Variants in ADAMTS14 observed in about 807,000 individuals in gnomAD.
ADAMTS14 encodes the protein A disintegrin and metalloproteinase with thrombospondin motifs 14.
A neutral mutation model predicts 128.6 loss-of-function variants in ADAMTS14; 100 were observed. The ratio of observed to expected loss-of-function variants is 0.78; its 90% confidence interval spans 0.66 to 0.92. ADAMTS14 has a LOEUF of 0.92. ADAMTS14 is among the 40% of genes least tolerant of loss of function. ADAMTS14 has a pLI of 0.00. For synonymous variants in ADAMTS14, 665 were observed against 653.8 expected (o/e 1.02, Z -0.26); for missense variants, 1,562 against 1,658.6 (o/e 0.94, Z 1.01).
intron 19 of ADAMTS14, among the ~76,000 whole-genome samples, chr10:70,755,016 C>T (rs1842446785): frequency 6.6e-6 from 1 of 152,188 alleles, no homozygotes; most frequent in African/African-American, 2.4e-5. Context: ...TGCAGTGGCT[C>T]ATGCCTGGAA....
intron 19 of ADAMTS14, 140 bp downstream of exon 19, chr10:70,754,147 G>T: frequency 6.5e-6 from 5 of 767,086 alleles, no homozygotes; most frequent in Middle Eastern, 3.8e-4. Context: ...AAGTAGAATA[G>T]CTCCTACGTA....
intron 8 of ADAMTS14, among the ~76,000 whole-genome samples, chr10:70,734,502 C>T (rs970469501): frequency 1.3e-5 from 2 of 152,174 alleles, no homozygotes; most frequent in African/African-American, 4.8e-5. Context: ...GCCACTGTGG[C>T]TTTCCCCCAG....
chr10:70,732,184 C>G, intron 6 of ADAMTS14, 70 bp from the exon 7 acceptor site: 1 of 1,356,196 alleles, frequency 7.4e-7, no homozygotes, highest in Non-Finnish European at 1.0e-6. Flanking sequence ...GGGCTGGGCA[C>G]AGACCTCAGT....
intron 2 of ADAMTS14, among the ~76,000 whole-genome samples, chr10:70,685,263 A>G (rs1314949183): frequency 6.6e-6 from 1 of 152,148 alleles, no homozygotes; most frequent in Non-Finnish European, 1.5e-5. Context: ...TTCCCAAACC[A>G]TCCACCAGGC....
At chr10:70,677,023 G>A (rs1274822706) in intron 2 of ADAMTS14, among the ~76,000 whole-genome samples, 1 of 152,142 alleles carries the variant, frequency 6.6e-6, no homozygotes, top group East Asian at 1.9e-4. Flanking sequence ...GAGGATGACC[G>A]TCGCTAATAA....
At chr10:70,749,766 C>T (rs1842294120) in intron 15 of ADAMTS14, 56 bp from the exon 16 acceptor site, 3 of 1,580,136 alleles carry the variant, frequency 1.9e-6, no homozygotes, top group Non-Finnish European at 1.7e-6. Flanking sequence ...TATTCATGGC[C>T]CGCCCCCTGT....
At chr10:70,687,383 G>C (rs1840008235) in intron 2 of ADAMTS14, among the ~76,000 whole-genome samples, 1 of 60,338 alleles carries the variant, frequency 1.7e-5, no homozygotes, top group African/African-American at 5.4e-5. Context: ...CGGGCAGAGG[G>C]GCTCCTCACT....
intron 2 of ADAMTS14, among the ~76,000 whole-genome samples, chr10:70,675,536 G>A (rs1294835933): frequency 6.6e-6 from 1 of 152,144 alleles, no homozygotes; most frequent in African/African-American, 2.4e-5. Context: ...ATTATGTCTT[G>A]TAACATTGCG....
chr10:70,746,595 C>T (rs1245413110), intron 15 of ADAMTS14, among the ~76,000 whole-genome samples: 1 of 152,168 alleles, frequency 6.6e-6, no homozygotes, highest in African/African-American at 2.4e-5. Context: ...ATCGCTTGAG[C>T]TCAGAAGTTT....
intron 2 of ADAMTS14, among the ~76,000 whole-genome samples, chr10:70,687,134 C>T (rs1839991977): frequency 2.8e-5 from 3 of 106,286 alleles, no homozygotes; most frequent in Admixed American, 8.7e-5. Flanking sequence ...TAGGGGCGGC[C>T]GGGCAGAGGC....
At chr10:70,735,461 T>C (rs969243976) in intron 9 of ADAMTS14, among the ~76,000 whole-genome samples, 160 bp downstream of exon 9, 9 of 152,120 alleles carry the variant, frequency 5.9e-5, no homozygotes, top group Admixed American at 1.3e-4. Flanking sequence ...GGATGCAGAG[T>C]GAACACCTGT....
chr10:70,709,820 G>A (rs756405988), intron 4 of ADAMTS14, among the ~76,000 whole-genome samples: 4 of 152,162 alleles, frequency 2.6e-5, no homozygotes, highest in African/African-American at 9.7e-5. Context: ...GTTTTTAAAT[G>A]TTAAAAGAGA....
intron 4 of ADAMTS14, among the ~76,000 whole-genome samples, chr10:70,711,430 T>TA (rs1053866158): frequency 5.3e-5 from 8 of 152,228 alleles, no homozygotes; most frequent in South Asian, 4.1e-4. Context: ...GGAGAGCAGT[T>TA]AGACACAGCC....
At chr10:70,734,971 T>G (rs1490534648) in intron 8 of ADAMTS14, among the ~76,000 whole-genome samples, 198 bp from the exon 9 acceptor site, 1 of 152,200 alleles carries the variant, frequency 6.6e-6, no homozygotes, top group Non-Finnish European at 1.5e-5. Context: ...CTTCCAGATA[T>G]AGTCACTGGT....
At position 70,760,787 on chromosome 10, in the gene ADAMTS14, A is replaced by T; in HGVS notation, c.3606A>T (p.Lys1202Asn). ...TQTPTPVPED[K>N]GQPGEDLRHP... ...CACCTACGCCAGTCCCTGAGGACAA[A>T]GGGCAACCTGGAGAAGACCTGAGAC... The change falls in exon 22 of 22, where the codon AAA becomes AAT. Residue 1202 changes from lysine (K) to asparagine (N), a missense_variant. Coordinates refer to ENST00000373207, the MANE Select transcript of ADAMTS14 (RefSeq NM_080722.4). 6.2e-7 allele frequency: 1 copy of T among 1,609,856 alleles called. No individual in the cohort carries two copies. Among genetic ancestry groups the T allele is most frequent in the South Asian group, 1.1e-5 (1 of 90,738 alleles).
chr10:70,706,819 G>A (rs748793420), intron 3 of ADAMTS14, among the ~76,000 whole-genome samples: 1 of 152,250 alleles, frequency 6.6e-6, no homozygotes, highest in Non-Finnish European at 1.5e-5. Flanking sequence ...CCTGTTACCT[G>A]TCCTCAGATC....
At chr10:70,739,275 G>A (rs141762093) in intron 11 of ADAMTS14, among the ~76,000 whole-genome samples, 4 of 152,220 alleles carry the variant, frequency 2.6e-5, no homozygotes, top group Non-Finnish European at 5.9e-5. Context: ...TTCTTCATGC[G>A]TGTAACAAGT....
chr10:70,745,380 C>T (rs748318969), intron 15 of ADAMTS14, 74 bp downstream of exon 15: 2 of 1,480,644 alleles, frequency 1.4e-6, no homozygotes, highest in South Asian at 2.3e-5. Flanking sequence ...GCTGGGAGAC[C>T]AGAGGACAAG....
At chr10:70,712,855 C>T (rs1398819109) in intron 4 of ADAMTS14, among the ~76,000 whole-genome samples, 1 of 152,210 alleles carries the variant, frequency 6.6e-6, no homozygotes, top group African/African-American at 2.4e-5. Context: ...TCTCTGCCCT[C>T]ATTCCCGGAA....
Sources: allele counts gnomAD v4.1 joint callset (sites outside exome capture counted in the v4.1 genomes callset), GRCh38; gene constraint gnomAD v4.1.1; transcripts MANE v1.5; gene names NCBI Gene and HGNC (gene_info 2026-07-23, HGNC 2026-07-21).